Variants in HDAC1 observed in about 807,000 individuals in gnomAD.
The protein encoded by HDAC1 is histone deacetylase 1.
A neutral mutation model predicts 65.5 loss-of-function variants in HDAC1; 18 were observed. That is an observed-to-expected ratio of 0.27 (90% CI 0.19 to 0.41). HDAC1 has a LOEUF of 0.41. Among genes scored for constraint, HDAC1 ranks in the 10% least tolerant of loss-of-function variants. HDAC1 has a pLI of 1.00. For synonymous variants in HDAC1, 211 were observed against 227.9 expected, an observed-to-expected ratio of 0.93 and a Z score of 0.67; for missense variants, 373 against 625.2, an observed-to-expected ratio of 0.60 and a Z score of 4.30.
intron 3 of HDAC1, among the ~76,000 whole-genome samples, chr1:32,321,564 A>G (rs1414795191): frequency 6.6e-6 from 1 of 152,148 alleles, no homozygotes; most frequent in Non-Finnish European, 1.5e-5. Flanking sequence ...TATAGCAGAA[A>G]GAGAGAAAAC....
At position 32,333,402 on chromosome 1, in the gene HDAC1, C is replaced by T. The variant is rs1368002225; in HGVS notation, c.*358C>T. On this transcript the variant is annotated 3_prime_UTR_variant, in exon 14 of 14. Coordinates refer to ENST00000373548, the MANE Select transcript of HDAC1 (RefSeq NM_004964.3). ...ATTCTAGAAGGGGTGGCTGGGTCTTCAAGGATCTCCTGTTTTTTTCAGGCT... is the reference window on the plus strand; with the variant it reads ...ATTCTAGAAGGGGTGGCTGGGTCTTTAAGGATCTCCTGTTTTTTTCAGGCT... 1.2e-5 allele frequency: 2 copies of T among 165,626 alleles called. No individual in the cohort carries two copies. The highest frequency in any genetic ancestry group is 1.7e-4 in the South Asian group (1 of 5,844). 10.3% of individuals were successfully genotyped at this position (165,626 alleles called of 1,614,324 possible). A position where few individuals can be genotyped will look rare whatever the true frequency, so the allele number is the denominator to read the frequency against.
At chr1:32,292,307 CG>C in intron 1 of HDAC1, 89 bp downstream of exon 1, 1 of 1,534,746 alleles carries the variant, frequency 6.5e-7, no homozygotes, top group Non-Finnish European at 8.8e-7. Context: ...TGGGAGGCTG[CG>C]GGAGGCTGAG....
chr1:32,292,093 C>G lies in HDAC1; in HGVS notation c.-77C>G. ...GGGCCGGAGGCCCGCCCCCTCCCCC[C>G]TGGGTCGGACGCTGAGCGGAGCCGC... On this transcript the variant is annotated 5_prime_UTR_variant, in exon 1 of 14. Transcript: ENST00000373548. The G allele has an allele frequency of 7.0e-7, 1 of 1,434,152 alleles. No homozygotes were observed. Among genetic ancestry groups the G allele is most frequent in the Non-Finnish European group, 9.6e-7 (1 of 1,046,048 alleles). The allele number at this position is 1,434,152 out of a possible 1,614,324, so 88.8% of individuals were successfully genotyped here. A position where few individuals can be genotyped will look rare whatever the true frequency, so the allele number is the denominator to read the frequency against.
intron 1 of HDAC1, among the ~76,000 whole-genome samples, chr1:32,300,478 C>T (rs939465883): frequency 6.6e-6 from 1 of 151,784 alleles, no homozygotes; most frequent in Non-Finnish European, 1.5e-5. Context: ...CTGCTTGAAC[C>T]TGGGAGGCAG....
chr1:32,317,843 A>C (rs768553308), intron 3 of HDAC1, among the ~76,000 whole-genome samples: 3 of 152,160 alleles, frequency 2.0e-5, no homozygotes, highest in Non-Finnish European at 2.9e-5. Context: ...ATCAGGCTCT[A>C]CTCTCAGCAC....
chr1:32,331,057 C>T lies in HDAC1; in HGVS notation c.979+149C>T, dbSNP rs771422278. The T allele has an allele frequency of 2.8e-6, 2 of 702,600 alleles. No homozygotes were observed. The highest frequency in any genetic ancestry group is 4.8e-6 in the Non-Finnish European group (2 of 412,798). The allele number at this position is 702,600 out of a possible 1,614,324, so 43.5% of individuals were successfully genotyped here. On this transcript the variant is annotated intron_variant, in intron 9 of 13. Coordinates refer to ENST00000373548, the MANE Select transcript of HDAC1 (RefSeq NM_004964.3). The surrounding 1 kb of genome is among the most constrained non-coding windows in gnomAD (Gnocchi z 4.2). ...CTCCTGCCTGTCCTCTTGTGATCAG[C>T]AGACCATAACCATCACTTTTTCCCT...
At chr1:32,332,811 C>G (rs1219799115) in intron 13 of HDAC1, 62 bp downstream of exon 13, 2 of 1,425,298 alleles carry the variant, frequency 1.4e-6, no homozygotes, top group Non-Finnish European at 1.9e-6. Flanking sequence ...CTTTGTCCCA[C>G]CACTCTGAGG....
chr1:32,325,912 AGC>A (rs1178434313), intron 4 of HDAC1, among the ~76,000 whole-genome samples: 1 of 151,982 alleles, frequency 6.6e-6, no homozygotes, highest in Admixed American at 6.6e-5. Context: ...CTGTAATCCC[AGC>A]TACTTGGGAG....
chr1:32,316,605 A>G (rs1641067703), intron 2 of HDAC1, 60 bp from the exon 3 acceptor site: 2 of 897,998 alleles, frequency 2.2e-6, no homozygotes, highest in Non-Finnish European at 3.8e-6. Context: ...TATTCAAACT[A>G]GATTGACTGG....
At position 32,315,305 on chromosome 1, in the gene HDAC1, G is replaced by A. The variant is rs2148064394; in HGVS notation, c.163-1360G>A. On this transcript the variant is annotated intron_variant, in intron 2 of 13. Coordinates refer to ENST00000373548, the MANE Select transcript of HDAC1 (RefSeq NM_004964.3). The stretch of plus-strand genomic sequence containing the variant: ...TACCCTTTTTTCGTGAACTCTTGGA[G>A]CCATTTTGTCCATAATTTTATAATA... Among the ~76,000 whole-genome samples, 3 of 151,906 alleles carry A rather than the reference G, an allele frequency of 2.0e-5. No individual in the cohort carries two copies. In the South Asian group the frequency reaches 6.3e-4, roughly 32 times the overall value.
chr1:32,308,318 T>C (rs1640938884), intron 2 of HDAC1, among the ~76,000 whole-genome samples: 1 of 151,914 alleles, frequency 6.6e-6, no homozygotes, highest in Non-Finnish European at 1.5e-5. Context: ...AAACTCCGTC[T>C]CAAAAAAAAG....
At chr1:32,316,283 C>CAAAAAAAAAAA (rs879826419) in intron 2 of HDAC1, among the ~76,000 whole-genome samples, 42 of 139,406 alleles carry the variant, frequency 3.0e-4, no homozygotes, top group African/African-American at 1.1e-3. Flanking sequence ...GACTCCGTCT[C>CAAAAAAAAAAA]AAAAAAAAAA....
chr1:32,319,079 A>C lies in HDAC1; in HGVS notation c.280+2297A>C, dbSNP rs190202395. On this transcript the variant is annotated intron_variant, in intron 3 of 13. Coordinates refer to ENST00000373548, the MANE Select transcript of HDAC1 (RefSeq NM_004964.3). ...GGTTGCAGTGAGCCAAGATCGCGCC[A>C]CTGCACTCCAGCCTGGGCGACAGAG... Among the ~76,000 whole-genome samples, 567 of 152,262 alleles carry C rather than the reference A, an allele frequency of 3.7e-3. 2 individuals carry two copies. The highest frequency in any genetic ancestry group is 0.013 in the African/African-American group (531 of 41,548).
chr1:32,323,872 C>G (rs576616083), intron 3 of HDAC1, among the ~76,000 whole-genome samples: 105 of 152,234 alleles, frequency 6.9e-4, no homozygotes, highest in Non-Finnish European at 1.2e-3. Flanking sequence ...GGCGTGAGGG[C>G]CAGAGGATAA....
At chr1:32,292,358 A>T in intron 1 of HDAC1, 140 bp downstream of exon 1, 2 of 1,496,340 alleles carry the variant, frequency 1.3e-6, no homozygotes, top group South Asian at 2.5e-5. Flanking sequence ...GCGAGGGGGA[A>T]GTCGAGGCTG....
intron 2 of HDAC1, among the ~76,000 whole-genome samples, chr1:32,309,714 C>T (rs1036184696): frequency 6.7e-5 from 10 of 150,114 alleles, no homozygotes; most frequent in Non-Finnish European, 1.2e-4. Context: ...AAGCCTTGCT[C>T]TGTTGCCCAG....
At chr1:32,293,293 C>T (rs1046595460) in intron 1 of HDAC1, among the ~76,000 whole-genome samples, 1 of 146,950 alleles carries the variant, frequency 6.8e-6, no homozygotes, top group Non-Finnish European at 1.5e-5. Context: ...TGCACTCCAG[C>T]TTGGACAACA....
rs182165812 is a variant in HDAC1, at chr1:32,305,578, C to A, written c.162+2845C>A. 1.4e-3 allele frequency among the ~76,000 whole-genome samples: 218 copies of A among 150,934 alleles called. 1 individual carries two copies. In the Middle Eastern group the frequency reaches 0.042, roughly 29 times the overall value. ...TTCCCCTACTGAAATTCCTATTCAACCTTTTTGCCCATTTTCCCATTGGTT... is the reference window on the plus strand; with the variant it reads ...TTCCCCTACTGAAATTCCTATTCAAACTTTTTGCCCATTTTCCCATTGGTT... On this transcript the variant is annotated intron_variant, in intron 2 of 13. Coordinates refer to ENST00000373548, the MANE Select transcript of HDAC1 (RefSeq NM_004964.3).
At position 32,328,867 on chromosome 1, in the gene HDAC1, A is replaced by G. The variant is rs183431499; in HGVS notation, c.637-201A>G. Among the ~76,000 whole-genome samples, 226 of 152,050 alleles carry G rather than the reference A, an allele frequency of 1.5e-3. 2 individuals are homozygous for G. The highest frequency in any genetic ancestry group is 5.3e-3 in the African/African-American group (219 of 41,328). On this transcript the variant is annotated intron_variant, in intron 6 of 13. Transcript: ENST00000373548. ...TCAGTCTGGGGGTAGGCTTAATGCT[A>G]TGTCCAGAGATGATTTGCCAGTGAA... is the stretch of plus-strand genomic sequence containing the variant.
Sources: allele counts gnomAD v4.1 joint callset (sites outside exome capture counted in the v4.1 genomes callset), GRCh38; gene constraint gnomAD v4.1.1; non-coding constraint Gnocchi (gnomAD v3.1); transcripts MANE v1.5; gene names NCBI Gene and HGNC (gene_info 2026-07-23, HGNC 2026-07-21).